The following CA3 variants were observed in gnomAD, a reference collection of about 807,000 sequenced individuals.
CA3 encodes the protein carbonic anhydrase 3.
A neutral mutation model predicts 35.7 loss-of-function variants in CA3; 30 were observed. The ratio of observed to expected loss-of-function variants is 0.84; its 90% confidence interval spans 0.63 to 1.14. CA3 has a LOEUF of 1.14. CA3 is among the 50% of genes most tolerant of loss of function. CA3 has a pLI of 0.00. For missense variants in CA3, 295 were observed against 328.5 expected (o/e 0.90, Z 0.79); for synonymous variants, 131 against 130.8 (o/e 1.00, Z -0.01).
At position 85,438,863 on chromosome 8, in the gene CA3, G is replaced by C; in HGVS notation, c.-47G>C. 6.5e-7 allele frequency: 1 copy of C among 1,549,000 alleles called. No individual in the cohort carries two copies. Among genetic ancestry groups the C allele is most frequent in the South Asian group, 1.2e-5 (1 of 83,990 alleles). ...CGGGCTCGCGGCGACTCTGCACCAC[G>C]CAGGGGAAGAGAAAGCAGGAGCCGT... On this transcript the variant is annotated 5_prime_UTR_variant, in exon 1 of 7. Coordinates refer to ENST00000285381, the MANE Select transcript of CA3 (RefSeq NM_005181.4).
intron 3 of CA3, 150 bp from the exon 4 acceptor site, chr8:85,443,884 T>C (rs994463742): frequency 3.2e-6 from 2 of 623,352 alleles, no homozygotes; most frequent in Admixed American, 3.2e-5. Context: ...GTTACCAAAA[T>C]GTTACATGCT....
chr8:85,447,928 A>AAAG (rs1811314611), intron 6 of CA3, 106 bp from the exon 7 acceptor site: 2 of 1,095,654 alleles, frequency 1.8e-6, no homozygotes, highest in African/African-American at 3.2e-5. Context: ...AACAAACAAA[A>AAAG]AAACCAACAA....
At chr8:85,445,589 C>T (rs975266586) in intron 5 of CA3, among the ~76,000 whole-genome samples, 1 of 151,762 alleles carries the variant, frequency 6.6e-6, no homozygotes, top group Non-Finnish European at 1.5e-5. Context: ...TAAATGTCAG[C>T]CAGTGCTGGT....
At position 85,444,260 on chromosome 8, in the gene CA3, A is replaced by C. The variant is rs188505736; in HGVS notation, c.444+134A>C. The C allele has an allele frequency of 3.6e-5, 23 of 638,382 alleles. No homozygotes were observed. In the East Asian group the frequency reaches 6.3e-4, roughly 18 times the overall value. The allele number at this position is 638,382 out of a possible 1,614,324, so 39.5% of individuals were successfully genotyped here. On this transcript the variant is annotated intron_variant, in intron 4 of 6. Transcript: ENST00000285381. ...ATTTTATTATTCATTCAACTAATCA[A>C]GATATTTCTGCAAAGATCAGCTCAA... is the stretch of plus-strand genomic sequence containing the variant.
chr8:85,445,729 T>G (rs946864742), intron 5 of CA3, among the ~76,000 whole-genome samples: 10 of 152,104 alleles, frequency 6.6e-5, no homozygotes, highest in Non-Finnish European at 1.5e-5. Context: ...TATTATTGAG[T>G]TTCATTAACA....
chr8:85,441,101 C>T (rs151199453), intron 2 of CA3, among the ~76,000 whole-genome samples: 1 of 152,186 alleles, frequency 6.6e-6, no homozygotes, highest in Non-Finnish European at 1.5e-5. Flanking sequence ...TGAACAAACT[C>T]ATATAGGCCT....
intron 3 of CA3, among the ~76,000 whole-genome samples, chr8:85,443,237 G>T (rs1457354825): frequency 6.6e-6 from 1 of 152,070 alleles, no homozygotes; most frequent in African/African-American, 2.4e-5. Context: ...TCAGATCAAC[G>T]CATCAAATTA....
intron 2 of CA3, among the ~76,000 whole-genome samples, chr8:85,440,870 C>T (rs971579558): frequency 2.0e-5 from 3 of 152,124 alleles, no homozygotes; most frequent in Admixed American, 6.5e-5. Context: ...TTTTCCCCTT[C>T]TCCTTATATA....
intron 2 of CA3, among the ~76,000 whole-genome samples, 183 bp downstream of exon 2, chr8:85,440,092 A>G (rs184391973): frequency 1.3e-5 from 2 of 152,354 alleles, no homozygotes; most frequent in Admixed American, 1.3e-4. Context: ...GAGGAATGTC[A>G]CACCCTCCAA....
In CA3 at chr8:85,442,873, T is replaced by A. The variant is rs118140738; in HGVS notation, c.351+682T>A. ...GCTACCTTATGAGACAGGTTACAGATGAGGAAACAGAAGGCATAGAAAAGA... is the reference window on the plus strand; with the variant it reads ...GCTACCTTATGAGACAGGTTACAGAAGAGGAAACAGAAGGCATAGAAAAGA... On this transcript the variant is annotated intron_variant, in intron 3 of 6. Transcript: ENST00000285381. Among the ~76,000 whole-genome samples the A allele has an allele frequency of 2.0e-5, 3 of 152,234 alleles. No homozygotes were observed. The East Asian group carries it at 5.8e-4, about 29-fold the overall frequency.
Position 85,442,149 on chromosome 8 carries a change from T to C in CA3, c.309T>C (p.His103=), listed in dbSNP as rs1811216900. 6.2e-7 allele frequency: 1 copy of C among 1,611,154 alleles called. No individual in the cohort carries two copies. Among genetic ancestry groups the C allele is most frequent in the Non-Finnish European group, 8.5e-7 (1 of 1,177,268 alleles). ...TTCACTGGGGCTCTTCGGATGATCA[T>C]GGCTCTGAGCACACCGTGGATGGAG... ...FHLHWGSSDD[H]GSEHTVDGVK... The change falls in exon 3 of 7, where the codon CAT becomes CAC. Residue 103 remains histidine (H), a synonymous_variant. Coordinates refer to ENST00000285381, the MANE Select transcript of CA3 (RefSeq NM_005181.4).
chr8:85,438,887 G>T lies in CA3; in HGVS notation c.-23G>T. On this transcript the variant is annotated 5_prime_UTR_variant, in exon 1 of 7. Transcript: ENST00000285381. The stretch of plus-strand genomic sequence containing the variant: ...CGCAGGGGAAGAGAAAGCAGGAGCC[G>T]TCCAGCACGGAGGAAGGCGACCATG... The T allele has an allele frequency of 6.4e-7, 1 of 1,550,886 alleles. No individual in the cohort carries two copies. Among genetic ancestry groups the T allele is most frequent in the Non-Finnish European group, 8.7e-7 (1 of 1,146,952 alleles).
chr8:85,442,169 A>G lies in CA3; in HGVS notation c.329A>G (p.Asp110Gly), dbSNP rs916479312. ...SDDHGSEHTV[D>G]GVKYAAELHL... is the part of the protein sequence containing the mutation. The stretch of plus-strand genomic sequence containing the variant: ...GATCATGGCTCTGAGCACACCGTGG[A>G]TGGAGTCAAGTATGCAGCGGAGGTA... The change falls in exon 3 of 7, where the codon GAT becomes GGT. Residue 110 changes from aspartate to glycine, a missense_variant. Physicochemically the swap from Asp to Gly is moderately conservative, Grantham distance 94. Coordinates refer to ENST00000285381, the MANE Select transcript of CA3 (RefSeq NM_005181.4). 7 of 1,598,014 alleles carry G rather than the reference A, an allele frequency of 4.4e-6. No individual in the cohort carries two copies. The highest frequency in any genetic ancestry group is 6.0e-6 in the Non-Finnish European group (7 of 1,165,436).
At chr8:85,445,311 T>C in intron 5 of CA3, 93 bp downstream of exon 5, 1 of 769,466 alleles carries the variant, frequency 1.3e-6, no homozygotes, top group Non-Finnish European at 2.1e-6. Context: ...CTAAAATCTG[T>C]TACTAAGTTT....
intron 4 of CA3, among the ~76,000 whole-genome samples, 196 bp downstream of exon 4, chr8:85,444,322 A>G (rs1811248390): frequency 6.6e-6 from 1 of 152,064 alleles, no homozygotes; most frequent in African/African-American, 2.4e-5. Flanking sequence ...ATCTTTTACC[A>G]CACTCCAGGA....
At chr8:85,443,189 T>C (rs1243493336) in intron 3 of CA3, among the ~76,000 whole-genome samples, 1 of 152,214 alleles carries the variant, frequency 6.6e-6, no homozygotes, top group Non-Finnish European at 1.5e-5. Flanking sequence ...CTACTCTCTG[T>C]CTCAGTTAAC....
intron 6 of CA3, 120 bp downstream of exon 6, chr8:85,446,417 A>G (rs1177616306): frequency 8.6e-7 from 1 of 1,158,298 alleles, no homozygotes; most frequent in Non-Finnish European, 1.2e-6. Context: ...ATGGCCAGTA[A>G]TTTCATGGTC....
intron 3 of CA3, among the ~76,000 whole-genome samples, chr8:85,443,141 GAT>G (rs1380398460): frequency 2.0e-5 from 3 of 152,058 alleles, no homozygotes; most frequent in African/African-American, 7.2e-5. Flanking sequence ...CACACGTAGA[GAT>G]ATGTGTACAC....
intron 3 of CA3, among the ~76,000 whole-genome samples, chr8:85,443,527 A>G (rs1047380191): frequency 2.0e-5 from 3 of 152,220 alleles, no homozygotes; most frequent in Admixed American, 2.0e-4. Context: ...GCCAATCTAG[A>G]GAGCCATGGC....
Sources: gnomAD v4.1 joint callset for allele counts (sites outside exome capture counted in the v4.1 genomes callset) on GRCh38, gnomAD v4.1.1 for gene constraint, MANE v1.5 for transcripts, NCBI Gene and HGNC (gene_info 2026-07-23, HGNC 2026-07-21) for gene names.